Variants in ZFHX3 observed in about 807,000 individuals in gnomAD.
The protein encoded by ZFHX3 is zinc finger homeobox 3.
ZFHX3 carries 42 observed loss-of-function variants against 279.1 expected under a neutral mutation model. That is an observed-to-expected ratio of 0.15 (90% CI 0.12 to 0.19). The LOEUF is 0.19. ZFHX3 is among the 10% of genes least tolerant of loss of function. The pLI, the probability that ZFHX3 is intolerant of heterozygous loss-of-function variation, is 1.00. For missense variants in ZFHX3, 4,981 were observed against 4,754.0 expected (o/e 1.05, Z -1.40); for synonymous variants, 2,293 against 1,957.8 (o/e 1.17, Z -4.52).
intron 2 of ZFHX3, among the ~76,000 whole-genome samples, chr16:73,496,673 C>G (rs113175383): frequency 1.8e-4 from 27 of 152,356 alleles, no homozygotes; most frequent in African/African-American, 5.5e-4. Flanking sequence ...TCAACCCTCC[C>G]TAGCCTTCTA....
chr16:73,337,951 G>A lies in ZFHX3; in HGVS notation c.-1290-19615C>T, dbSNP rs138976246. Reference sequence around the variant, plus strand: ...ATCCTCTGCCTCATGTTTTGCTTCCGTTCTTACACAGTTTAGATTCCAGGG... The same window carrying A: ...ATCCTCTGCCTCATGTTTTGCTTCCATTCTTACACAGTTTAGATTCCAGGG... On this transcript the variant is annotated intron_variant, in intron 3 of 17. Transcript: ENST00000641206. Among the ~76,000 whole-genome samples, 914 of 138,938 alleles carry A rather than the reference G, an allele frequency of 6.6e-3. 4 individuals are homozygous for A. The highest frequency in any genetic ancestry group is 0.032 in the Middle Eastern group (7 of 222). 91.1% of individuals were successfully genotyped at this position (138,938 alleles called of 152,430 possible).
intron 2 of ZFHX3, among the ~76,000 whole-genome samples, chr16:73,667,127 G>T (rs1420610392): frequency 3.5e-4 from 53 of 152,102 alleles, no homozygotes; most frequent in Non-Finnish European, 7.3e-5. Flanking sequence ...AAGTAGCTGG[G>T]ATTACAGGTG....
intron 1 of ZFHX3, among the ~76,000 whole-genome samples, chr16:73,036,339 C>G (rs1022970613): frequency 6.6e-6 from 1 of 152,154 alleles, no homozygotes; most frequent in African/African-American, 2.4e-5. Context: ...TGCGGAAGGC[C>G]GGTCCAGAGG....
intron 4 of ZFHX3, among the ~76,000 whole-genome samples, chr16:73,265,062 C>T (rs937896965): frequency 1.4e-5 from 2 of 140,552 alleles, no homozygotes; most frequent in Non-Finnish European, 3.1e-5. Context: ...TATAATAGCA[C>T]CTCAGCGCAT....
chr16:73,159,563 C>G (rs918460809), intron 5 of ZFHX3, among the ~76,000 whole-genome samples: 2 of 152,064 alleles, frequency 1.3e-5, no homozygotes, highest in Non-Finnish European at 2.9e-5. Flanking sequence ...TCCAGGCCAC[C>G]AAAGGGAGGC....
intron 3 of ZFHX3, among the ~76,000 whole-genome samples, chr16:73,431,834 C>T (rs118101193): frequency 3.8e-4 from 58 of 152,186 alleles, no homozygotes; most frequent in Non-Finnish European, 7.6e-4. Flanking sequence ...ATGGCCTTCA[C>T]GGGACAAGCT....
chr16:73,780,160 G>A (rs532957461), intron 1 of ZFHX3, among the ~76,000 whole-genome samples: 1,026 of 24,066 alleles, frequency 0.043, 40 homozygotes, highest in African/African-American at 0.093. Context: ...TTTTTTTTTT[G>A]AGGCAGAGTC....
At chr16:73,879,072 T>A (rs2030053879) in intron 1 of ZFHX3, among the ~76,000 whole-genome samples, 1 of 151,556 alleles carries the variant, frequency 6.6e-6, no homozygotes, top group Admixed American at 6.6e-5. Flanking sequence ...TTTTTTAGCT[T>A]CTTCCAACTT....
At chr16:72,968,554 A>C (rs1357106030) in intron 1 of ZFHX3, among the ~76,000 whole-genome samples, 1 of 149,066 alleles carries the variant, frequency 6.7e-6, no homozygotes, top group Non-Finnish European at 1.5e-5. Context: ...TCTGTCGCCC[A>C]GGTTCAAGCA....
intron 3 of ZFHX3, among the ~76,000 whole-genome samples, chr16:73,434,689 G>T (rs1018747847): frequency 2.0e-5 from 3 of 152,070 alleles, no homozygotes; most frequent in African/African-American, 7.2e-5. Context: ...CATTGAGGTT[G>T]ATCTCAAGAT....
chr16:73,543,581 T>C (rs1054997008), intron 2 of ZFHX3, among the ~76,000 whole-genome samples: 3 of 152,192 alleles, frequency 2.0e-5, no homozygotes, highest in Non-Finnish European at 2.9e-5. Context: ...AGCTGGCTGA[T>C]GAGAAAGTCA....
intron 3 of ZFHX3, among the ~76,000 whole-genome samples, chr16:73,380,548 A>G (rs187441198): frequency 5.3e-5 from 8 of 152,380 alleles, no homozygotes; most frequent in Non-Finnish European, 1.2e-4. Context: ...CTAGTCAAAT[A>G]AATTAGACAA....
chr16:73,573,329 G>C (rs2051761258), intron 2 of ZFHX3, among the ~76,000 whole-genome samples: 1 of 152,156 alleles, frequency 6.6e-6, no homozygotes, highest in South Asian at 2.1e-4. Context: ...AGGAGGACCT[G>C]AACTTCTTGG....
At chr16:73,500,590 G>C (rs1296962536) in intron 2 of ZFHX3, among the ~76,000 whole-genome samples, 2 of 149,468 alleles carry the variant, frequency 1.3e-5, no homozygotes, top group Non-Finnish European at 2.9e-5. Context: ...GCCTCCCAAA[G>C]TGCTGGTATT....
intron 3 of ZFHX3, among the ~76,000 whole-genome samples, chr16:72,916,540 A>C (rs1234766004): frequency 6.6e-6 from 1 of 152,244 alleles, no homozygotes; most frequent in African/African-American, 2.4e-5. Flanking sequence ...TGGGGAAGAA[A>C]CAGGTGAAAT....
intron 7 of ZFHX3, 96 bp from the exon 8 acceptor site, chr16:72,800,225 C>G: frequency 1.0e-6 from 1 of 992,078 alleles, no homozygotes; most frequent in Non-Finnish European, 1.6e-6. Context: ...TAGCCTTCAC[C>G]AGTGTAAAGC....
intron 7 of ZFHX3, among the ~76,000 whole-genome samples, chr16:73,129,259 G>A (rs955792880): frequency 6.6e-6 from 1 of 151,992 alleles, no homozygotes; most frequent in Non-Finnish European, 1.5e-5. Context: ...GTGGTGGTGG[G>A]TTCCTGTAAT....
At chr16:72,951,090 G>A in intron 2 of ZFHX3, 125 bp from the exon 3 acceptor site, 1 of 1,336,132 alleles carries the variant, frequency 7.5e-7, no homozygotes, top group South Asian at 1.4e-5. Context: ...CATTTCAAGT[G>A]TTGCAAAGGG....
At chr16:73,341,170 G>C (rs2093355007) in intron 3 of ZFHX3, among the ~76,000 whole-genome samples, 1 of 152,032 alleles carries the variant, frequency 6.6e-6, no homozygotes, top group South Asian at 2.1e-4. Context: ...GTAAAACCCA[G>C]TCTCTACTAA....
Sources: allele counts gnomAD v4.1 joint callset (sites outside exome capture counted in the v4.1 genomes callset), GRCh38; gene constraint gnomAD v4.1.1; transcripts MANE v1.5; gene names NCBI Gene and HGNC (gene_info 2026-07-23, HGNC 2026-07-21).